TNFRSF1B: variants seen among roughly 807,000 people sequenced by gnomAD.
The protein encoded by TNFRSF1B is tumor necrosis factor receptor superfamily member 1B.
TNFRSF1B carries 19 observed loss-of-function variants against 44.6 expected under a neutral mutation model. The observed-to-expected ratio is 0.43, with a 90% confidence interval of 0.30 to 0.62. TNFRSF1B has a LOEUF of 0.62. TNFRSF1B is among the 20% of genes least tolerant of loss of function. The pLI is 0.16. For missense variants in TNFRSF1B, 541 were observed against 619.9 expected (o/e 0.87, Z 1.35); for synonymous variants, 252 against 261.1 (o/e 0.97, Z 0.34).
chr1:12,192,932 G>A lies in TNFRSF1B; in HGVS notation c.621G>A (p.Arg207=). 1 of 1,614,134 alleles carries A rather than the reference G, an allele frequency of 6.2e-7. No homozygotes were observed. Among genetic ancestry groups the A allele is most frequent in the Non-Finnish European group, 8.5e-7 (1 of 1,180,016 alleles). Residue 207 remains arginine (R), a synonymous_variant, in exon 6 of 10, where the codon CGG becomes CGA. Coordinates refer to ENST00000376259, the MANE Select transcript of TNFRSF1B (RefSeq NM_001066.3). ...TCTGCACGTCCACGTCCCCCACCCGGAGTATGGCCCCAGGGGCAGTACACT... is the reference window on the plus strand; with the variant it reads ...TCTGCACGTCCACGTCCCCCACCCGAAGTATGGCCCCAGGGGCAGTACACT... ...DAVCTSTSPT[R]SMAPGAVHLP...
chr1:12,192,453 G>T lies in TNFRSF1B; in HGVS notation c.480G>T (p.Val160=). 1 of 1,614,172 alleles carries T rather than the reference G, an allele frequency of 6.2e-7. No homozygotes were observed. The change falls in exon 5 of 10, where the codon GTG becomes GTT. Residue 160 remains valine, a synonymous_variant. Transcript: ENST00000376259. The part of the protein sequence containing the change: ...ARPGTETSDV[V]CKPCAPGTFS... ...AAGGAACTGAAACATCAGACGTGGTGTGCAAGCCCTGTGCCCCGGGGACGT... is the reference window on the plus strand; with the variant it reads ...AAGGAACTGAAACATCAGACGTGGTTTGCAAGCCCTGTGCCCCGGGGACGT...
In TNFRSF1B at chr1:12,178,582, G is replaced by C. The variant is rs188455054; in HGVS notation, c.79-10214G>C. ...GTGTGGGCAGTATAGAGATGCACCC[G>C]GGTTGTCACAGGAGCCCCTAGGAGG... On this transcript the variant is annotated intron_variant, in intron 1 of 9. Transcript: ENST00000376259. The surrounding 1 kb of genome is among the most constrained non-coding windows in gnomAD (Gnocchi z 4.3). Among the ~76,000 whole-genome samples the C allele has an allele frequency of 6.6e-4, 101 of 152,242 alleles. 2 individuals are homozygous for C. The East Asian group carries it at 0.019, about 28-fold the overall frequency.
Position 12,168,365 on chromosome 1 carries a change from C to G in TNFRSF1B, c.78+1196C>G, listed in dbSNP as rs936052360. ...TGGGTGGAAGATGGGGGCTGTCAGA[C>G]TAGAATTGACTCACCGACAGTGGGT... On this transcript the variant is annotated intron_variant, in intron 1 of 9. Transcript: ENST00000376259. The surrounding 1 kb of genome is among the most constrained non-coding windows in gnomAD (Gnocchi z 4.7). Among the ~76,000 whole-genome samples, 1 of 152,198 alleles carries G rather than the reference C, an allele frequency of 6.6e-6. No homozygotes were observed. The highest frequency in any genetic ancestry group is 2.4e-5 in the African/African-American group (1 of 41,448).
intron 1 of TNFRSF1B, among the ~76,000 whole-genome samples, chr1:12,173,863 T>C (rs1638574302): frequency 6.6e-6 from 1 of 152,196 alleles, no homozygotes; most frequent in South Asian, 2.1e-4. Flanking sequence ...CTGTGGCGTG[T>C]AGTGATGTCA....
chr1:12,197,591 G>C (rs1273729556), intron 8 of TNFRSF1B, among the ~76,000 whole-genome samples: 1 of 152,164 alleles, frequency 6.6e-6, no homozygotes, highest in South Asian at 2.1e-4. Flanking sequence ...ACTCTGGGAG[G>C]TTCCATTTTT....
In TNFRSF1B at chr1:12,180,068, CT is replaced by C. The variant is rs1203871673; in HGVS notation, c.79-8727del. ...TAGATCCCTGCCCAGGGGGGACCCC[CT>C]GGGGAAGGCTGGGAGCATGACCTCT... On this transcript the variant is annotated intron_variant, in intron 1 of 9. Transcript: ENST00000376259. The surrounding 1 kb of genome is among the most constrained non-coding windows in gnomAD (Gnocchi z 4.3). Among the ~76,000 whole-genome samples the C allele has an allele frequency of 6.6e-6, 1 of 151,946 alleles. No individual in the cohort carries two copies. The highest frequency in any genetic ancestry group is 6.5e-5 in the Admixed American group (1 of 15,286).
At chr1:12,198,691 G>GTTTTGTTTTTTT (rs1639322525) in intron 8 of TNFRSF1B, among the ~76,000 whole-genome samples, 1 of 85,652 alleles carries the variant, frequency 1.2e-5, no homozygotes, top group Non-Finnish European at 2.2e-5. Flanking sequence ...CTGGAATTCT[G>GTTTTGTTTTTTT]TTTTTTTTTT....
intron 3 of TNFRSF1B, 166 bp from the exon 4 acceptor site, chr1:12,191,608 T>C (rs1639132498): frequency 5.3e-6 from 4 of 760,428 alleles, no homozygotes; most frequent in Non-Finnish European, 8.9e-6. Flanking sequence ...GTAGCAGGAC[T>C]GCCGGTCCTG....
chr1:12,186,813 T>TG lies in TNFRSF1B; in HGVS notation c.79-1979dup, dbSNP rs923075795. 1.3e-5 allele frequency among the ~76,000 whole-genome samples: 2 copies of TG among 152,194 alleles called. No individual in the cohort carries two copies. Among genetic ancestry groups the TG allele is most frequent in the Non-Finnish European group, 2.9e-5 (2 of 68,038 alleles). On this transcript the variant is annotated intron_variant, in intron 1 of 9. Transcript: ENST00000376259. The surrounding 1 kb of genome is among the most constrained non-coding windows in gnomAD (Gnocchi z 4.8). ...CATCTGTGGGGGCCCCTGAAGGACT[T>TG]GGGGTGTGTGTGTACACCCTCTTTG...
rs1182729704 is a variant in TNFRSF1B at position 12,207,944 on chromosome 1, A to G, written c.*924A>G. The G allele has an allele frequency of 1.3e-5, 2 of 152,056 alleles. No individual in the cohort carries two copies. The highest frequency in any genetic ancestry group is 2.1e-4 in the South Asian group (1 of 4,828). 9.4% of individuals were successfully genotyped at this position (152,056 alleles called of 1,614,324 possible). ...AAAAAAGCACCGCCTCCAAATGCCA[A>G]CTTGTCCTTTTGTACCATGGTGTGA... On this transcript the variant is annotated 3_prime_UTR_variant, in exon 10 of 10. Transcript: ENST00000376259.
chr1:12,203,052 G>A (rs897930330), intron 9 of TNFRSF1B, among the ~76,000 whole-genome samples: 3 of 152,224 alleles, frequency 2.0e-5, no homozygotes, highest in Non-Finnish European at 4.4e-5. Context: ...CATCTCTAGG[G>A]CCCACACTGG....
intron 1 of TNFRSF1B, among the ~76,000 whole-genome samples, chr1:12,181,466 C>T (rs1401423013): frequency 6.6e-6 from 1 of 152,140 alleles, no homozygotes; most frequent in Non-Finnish European, 1.5e-5. Context: ...AGGAGTACCA[C>T]TCCCATTTTA....
chr1:12,198,449 C>T (rs1275345031), intron 8 of TNFRSF1B, among the ~76,000 whole-genome samples: 1 of 152,168 alleles, frequency 6.6e-6, no homozygotes, highest in Admixed American at 6.5e-5. Flanking sequence ...CACACACTCA[C>T]TACGTCACTC....
chr1:12,192,327 A>C, intron 4 of TNFRSF1B, 104 bp from the exon 5 acceptor site: 1 of 926,180 alleles, frequency 1.1e-6, no homozygotes, highest in Non-Finnish European at 1.7e-6. Flanking sequence ...AGGTGCAGAC[A>C]GAGCTCCTTG....
chr1:12,207,859 GAGATCACGCCA>G lies in TNFRSF1B; in HGVS notation c.*840_*850del, dbSNP rs1343033667. ...CGGGAAGCGGAGGTTGCAGGGAGCC[GAGATCACGCCA>G]CTGCACTCCAGCCTGGGCGACAGAG... On this transcript the variant is annotated 3_prime_UTR_variant, in exon 10 of 10. Transcript: ENST00000376259. The G allele has an allele frequency of 1.3e-5, 2 of 152,060 alleles. No homozygotes were observed. The highest frequency in any genetic ancestry group is 2.4e-5 in the African/African-American group (1 of 41,356). The allele number at this position is 152,060 out of a possible 1,614,324, so 9.4% of individuals were successfully genotyped here.
At chr1:12,176,996 A>G (rs1007544108) in intron 1 of TNFRSF1B, among the ~76,000 whole-genome samples, 21 of 151,400 alleles carry the variant, frequency 1.4e-4, no homozygotes, top group African/African-American at 3.2e-4. Flanking sequence ...CCTGAGCCCA[A>G]TGGACCGATT....
At chr1:12,183,663 T>TCTAG (rs1638871000) in intron 1 of TNFRSF1B, among the ~76,000 whole-genome samples, 2 of 96,460 alleles carry the variant, frequency 2.1e-5, no homozygotes, top group African/African-American at 7.6e-5. Context: ...ATTTTATCTA[T>TCTAG]CTATCTATCT....
chr1:12,199,486 G>A lies in TNFRSF1B; in HGVS notation c.901-2481G>A, dbSNP rs1318496660. On this transcript the variant is annotated intron_variant, in intron 8 of 9. Coordinates refer to ENST00000376259, the MANE Select transcript of TNFRSF1B (RefSeq NM_001066.3). The surrounding 1 kb of genome is among the most constrained non-coding windows in gnomAD (Gnocchi z 4.0). ...GATGCACTTTCTCTGGGCCTCCGTG[G>A]CCTCTTGGGGATGGCTTGCACGAGA... Among the ~76,000 whole-genome samples the A allele has an allele frequency of 6.6e-6, 1 of 152,230 alleles. No individual in the cohort carries two copies. Among genetic ancestry groups the A allele is most frequent in the Non-Finnish European group, 1.5e-5 (1 of 68,044 alleles).
chr1:12,181,714 G>C (rs1218161174), intron 1 of TNFRSF1B, among the ~76,000 whole-genome samples: 1 of 152,188 alleles, frequency 6.6e-6, no homozygotes, highest in East Asian at 1.9e-4. Context: ...TCCCTGGGGG[G>C]AAGGGGATGG....
Sources: gnomAD v4.1 joint callset for allele counts (sites outside exome capture counted in the v4.1 genomes callset) on GRCh38, gnomAD v4.1.1 for gene constraint, Gnocchi (gnomAD v3.1) non-coding constraint, MANE v1.5 for transcripts, NCBI Gene and HGNC (gene_info 2026-07-23, HGNC 2026-07-21) for gene names.